UVRAG: variants seen among roughly 807,000 people sequenced by gnomAD.
UVRAG encodes UV radiation resistance-associated gene protein.
In UVRAG, 19 loss-of-function variants were observed where a neutral mutation model predicts 78.0. That is an observed-to-expected ratio of 0.24 (90% CI 0.17 to 0.36). The LOEUF (loss-of-function observed/expected upper bound fraction) is 0.36. Ranked by LOEUF, UVRAG falls within the 10% of genes least tolerant of loss-of-function variation. The pLI, the probability that UVRAG is intolerant of heterozygous loss-of-function variation, is 1.00. For synonymous variants in UVRAG, 323 were observed against 324.6 expected (o/e 1.00, Z 0.05); for missense variants, 740 against 853.8 (o/e 0.87, Z 1.66).
chr11:76,133,229 A>G (rs1952543023), intron 14 of UVRAG, among the ~76,000 whole-genome samples: 1 of 152,214 alleles, frequency 6.6e-6, no homozygotes, highest in African/African-American at 2.4e-5. Flanking sequence ...TCCTTACTGC[A>G]GTAACTATTG....
chr11:75,869,960 T>C (rs1490108116), intron 3 of UVRAG, among the ~76,000 whole-genome samples: 2 of 152,206 alleles, frequency 1.3e-5, no homozygotes, highest in African/African-American at 2.4e-5. Flanking sequence ...TCAGAGCTTA[T>C]AAATATCCTG....
intron 2 of UVRAG, among the ~76,000 whole-genome samples, chr11:75,861,537 C>T (rs1205263417): frequency 6.6e-6 from 1 of 151,920 alleles, no homozygotes; most frequent in Non-Finnish European, 1.5e-5. Flanking sequence ...AGGTTTTATC[C>T]TTCTTTACTG....
intron 5 of UVRAG, among the ~76,000 whole-genome samples, chr11:75,893,912 A>G (rs1258889263): frequency 1.3e-5 from 2 of 152,006 alleles, no homozygotes; most frequent in Non-Finnish European, 2.9e-5. Flanking sequence ...TCTGAGTAGC[A>G]GGGATTATAG....
intron 5 of UVRAG, among the ~76,000 whole-genome samples, chr11:75,890,604 A>C (rs1947194193): frequency 6.6e-6 from 1 of 152,200 alleles, no homozygotes; most frequent in Non-Finnish European, 1.5e-5. Flanking sequence ...GGAGTTTGAG[A>C]TGCCTTTGAG....
chr11:75,837,839 T>C (rs1290342589), intron 1 of UVRAG, among the ~76,000 whole-genome samples: 3 of 152,212 alleles, frequency 2.0e-5, no homozygotes, highest in Non-Finnish European at 4.4e-5. Context: ...CAGCATTTCT[T>C]GAATACCTAT....
chr11:76,100,381 A>G (rs1945930907), intron 13 of UVRAG, among the ~76,000 whole-genome samples: 1 of 152,146 alleles, frequency 6.6e-6, no homozygotes, highest in African/African-American at 2.4e-5. Flanking sequence ...GACACATAGT[A>G]GATACACAAA....
chr11:75,983,774 A>G (rs976786538), intron 8 of UVRAG: 2 of 308,598 alleles, frequency 6.5e-6, no homozygotes, highest in African/African-American at 2.1e-5. Context: ...GCATGTTACC[A>G]TACTGAATAC....
chr11:75,980,761 A>C (rs1949374993), intron 7 of UVRAG, among the ~76,000 whole-genome samples: 1 of 150,340 alleles, frequency 6.7e-6, no homozygotes, highest in African/African-American at 2.5e-5. Context: ...GACTAACTGC[A>C]ACCTCCACCT....
intron 14 of UVRAG, among the ~76,000 whole-genome samples, chr11:76,129,005 T>G (rs1451301880): frequency 6.6e-6 from 1 of 152,226 alleles, no homozygotes; most frequent in African/African-American, 2.4e-5. Flanking sequence ...TGACTATTAC[T>G]GCAAACCAGG....
At chr11:75,890,510 G>A (rs1184691688) in intron 5 of UVRAG, among the ~76,000 whole-genome samples, 2 of 152,198 alleles carry the variant, frequency 1.3e-5, no homozygotes, top group Non-Finnish European at 2.9e-5. Flanking sequence ...ATGGATAAAG[G>A]TGTCAGGCAC....
At chr11:76,071,242 G>A (rs1390299475) in intron 13 of UVRAG, among the ~76,000 whole-genome samples, 1 of 152,182 alleles carries the variant, frequency 6.6e-6, no homozygotes, top group Non-Finnish European at 1.5e-5. Flanking sequence ...TATTGAGGAA[G>A]TGACTGTTGA....
At chr11:76,085,490 A>G (rs1019804215) in intron 13 of UVRAG, among the ~76,000 whole-genome samples, 1 of 152,256 alleles carries the variant, frequency 6.6e-6, no homozygotes, top group Non-Finnish European at 1.5e-5. Context: ...GTCACCAAAC[A>G]CACTACTTAG....
At chr11:75,904,485 G>T (rs948592038) in intron 5 of UVRAG, among the ~76,000 whole-genome samples, 1 of 152,162 alleles carries the variant, frequency 6.6e-6, no homozygotes, top group African/African-American at 2.4e-5. Context: ...TCAGAACAAG[G>T]CTCTTAGCAT....
intron 6 of UVRAG, among the ~76,000 whole-genome samples, chr11:75,958,785 G>C (rs1277611999): frequency 6.6e-6 from 1 of 152,090 alleles, no homozygotes; most frequent in Non-Finnish European, 1.5e-5. Flanking sequence ...AATTATCTGT[G>C]GCAACTCTAG....
intron 12 of UVRAG, among the ~76,000 whole-genome samples, chr11:76,059,944 C>T (rs1951052177): frequency 6.6e-6 from 1 of 152,178 alleles, no homozygotes; most frequent in Non-Finnish European, 1.5e-5. Context: ...TTTGAATTAA[C>T]TATAGCCATG....
intron 4 of UVRAG, among the ~76,000 whole-genome samples, chr11:75,883,871 AGAGTT>A (rs1413504006): frequency 1.3e-5 from 2 of 152,232 alleles, no homozygotes; most frequent in Non-Finnish European, 2.9e-5. Flanking sequence ...AAAAACCGAT[AGAGTT>A]GAGTAACCAC....
chr11:75,970,428 T>G (rs540819300), intron 7 of UVRAG, among the ~76,000 whole-genome samples: 1 of 152,242 alleles, frequency 6.6e-6, no homozygotes, highest in African/African-American at 2.4e-5. Flanking sequence ...AGTTTTAGAT[T>G]CATAGAAAAA....
chr11:75,877,562 AC>A (rs568433472), intron 3 of UVRAG, among the ~76,000 whole-genome samples: 24 of 93,854 alleles, frequency 2.6e-4, no homozygotes, highest in South Asian at 7.9e-4. Flanking sequence ...CGGGGGGCTG[AC>A]CCCCCCCACC....
intron 6 of UVRAG, among the ~76,000 whole-genome samples, chr11:75,950,765 CA>C (rs1948676988): frequency 1.3e-5 from 2 of 152,070 alleles, no homozygotes; most frequent in South Asian, 4.1e-4. Flanking sequence ...AGTAGTGTAT[CA>C]TTTTGATTTT....
Sources: allele counts gnomAD v4.1 joint callset (sites outside exome capture counted in the v4.1 genomes callset), GRCh38; gene constraint gnomAD v4.1.1; transcripts MANE v1.5; gene names NCBI Gene and HGNC (gene_info 2026-07-23, HGNC 2026-07-21).